The following CFAP299 variants were observed in gnomAD, a reference collection of about 807,000 sequenced individuals.
The protein encoded by CFAP299 is cilia and flagella associated protein 299, also known as cilia- and flagella-associated protein 299.
Under a neutral mutation model 27.0 loss-of-function variants are expected in CFAP299, and 21 were observed. The ratio of observed to expected loss-of-function variants is 0.78; its 90% CI spans 0.55 to 1.12. The LOEUF (loss-of-function observed/expected upper bound fraction) is 1.12. Among genes scored for constraint, CFAP299 ranks in the 50% most tolerant of loss-of-function variants. CFAP299 has a pLI of 0.00. For synonymous variants in CFAP299, 104 were observed against 98.1 expected (o/e 1.06, Z -0.36); for missense variants, 310 against 276.6 (o/e 1.12, Z -0.86).
chr4:80,391,926 C>T (rs1168423246), intron 2 of CFAP299, among the ~76,000 whole-genome samples: 1 of 152,206 alleles, frequency 6.6e-6, no homozygotes, highest in Non-Finnish European at 1.5e-5. Flanking sequence ...TGCCCAAGTC[C>T]ATGGGAGCCC....
At chr4:80,796,500 T>A (rs1174333093) in intron 3 of CFAP299, among the ~76,000 whole-genome samples, 1 of 152,044 alleles carries the variant, frequency 6.6e-6, no homozygotes, top group Non-Finnish European at 1.5e-5. Context: ...ACCACTGAGG[T>A]AGGATGGTAA....
At chr4:80,855,183 C>T (rs538924864) in intron 3 of CFAP299, among the ~76,000 whole-genome samples, 29 of 151,898 alleles carry the variant, frequency 1.9e-4, no homozygotes, top group Non-Finnish European at 3.8e-4. Flanking sequence ...AAAATATAAA[C>T]AAAATCAACT....
intron 4 of CFAP299, among the ~76,000 whole-genome samples, chr4:80,913,001 T>C (rs1005435677): frequency 6.6e-6 from 1 of 152,084 alleles, no homozygotes; most frequent in Non-Finnish European, 1.5e-5. Flanking sequence ...CAAAAAGCAC[T>C]GCCTACCCTA....
intron 5 of CFAP299, among the ~76,000 whole-genome samples, chr4:80,949,772 G>A (rs1213516353): frequency 2.6e-5 from 4 of 152,044 alleles, no homozygotes; most frequent in African/African-American, 9.7e-5. Context: ...AGCCTGGAGA[G>A]GTCATCAGAA....
intron 3 of CFAP299, among the ~76,000 whole-genome samples, chr4:80,664,725 C>CA (rs947281387): frequency 6.6e-6 from 1 of 152,010 alleles, no homozygotes; most frequent in Admixed American, 6.6e-5. Flanking sequence ...GCCCCCTTTC[C>CA]AGGGGAGTGA....
rs1728181183 is a variant in CFAP299, at chr4:80,799,629, TATA to T, written c.334-70360_334-70358del. Among the ~76,000 whole-genome samples, 2 of 44,454 alleles carry T rather than the reference TATA, an allele frequency of 4.5e-5. 1 individual carries two copies. 29.2% of individuals were successfully genotyped at this position (44,454 alleles called of 152,430 possible). On this transcript the variant is annotated intron_variant, in intron 3 of 5. Transcript: ENST00000358105. ...TTTATATATTATATATTTATAAATA[TATA>T]ATATATAAAATATATATTTTATATA...
At chr4:80,835,723 A>G (rs902634656) in intron 3 of CFAP299, among the ~76,000 whole-genome samples, 10 of 152,192 alleles carry the variant, frequency 6.6e-5, no homozygotes, top group African/African-American at 2.4e-4. Flanking sequence ...AATTAAACAC[A>G]TGTGTGGACC....
At chr4:80,389,952 T>C (rs1725235220) in intron 2 of CFAP299, among the ~76,000 whole-genome samples, 1 of 152,172 alleles carries the variant, frequency 6.6e-6, no homozygotes, top group Admixed American at 6.5e-5. Flanking sequence ...AGTTTAATAA[T>C]TGACAACCAG....
intron 3 of CFAP299, among the ~76,000 whole-genome samples, chr4:80,762,233 A>T (rs1725578637): frequency 6.6e-6 from 1 of 152,066 alleles, no homozygotes; most frequent in Non-Finnish European, 1.5e-5. Context: ...ACGTTGATGG[A>T]CTAAAATAAC....
chr4:80,629,866 A>G (rs1488602913), intron 3 of CFAP299, among the ~76,000 whole-genome samples: 2 of 128,992 alleles, frequency 1.6e-5, no homozygotes, highest in African/African-American at 5.1e-5. Context: ...GAGACTCTGT[A>G]TCTGGAAAAA....
At chr4:80,387,184 G>T in intron 2 of CFAP299, 1 of 1,347,984 alleles carries the variant, frequency 7.4e-7, no homozygotes, top group South Asian at 1.2e-5. Context: ...GTGGAAGGAG[G>T]CTGTGGGAGT....
intron 3 of CFAP299, among the ~76,000 whole-genome samples, chr4:80,753,281 A>T (rs575636242): frequency 1.3e-5 from 2 of 151,318 alleles, no homozygotes; most frequent in African/African-American, 4.8e-5. Flanking sequence ...GATTGACATA[A>T]TTTTTTTTCT....
chr4:80,565,515 C>T (rs1239313444), intron 2 of CFAP299, among the ~76,000 whole-genome samples: 1 of 151,918 alleles, frequency 6.6e-6, no homozygotes, highest in Non-Finnish European at 1.5e-5. Context: ...GAGATGCAAG[C>T]TAAACTTCTG....
chr4:80,333,808 T>C (rs1412110706), upstream of CFAP299, among the ~76,000 whole-genome samples: 3 of 152,224 alleles, frequency 2.0e-5, no homozygotes, highest in Admixed American at 1.3e-4. Flanking sequence ...GAAGTAGGAA[T>C]GCATGTTATC....
intron 3 of CFAP299, among the ~76,000 whole-genome samples, chr4:80,593,383 T>G (rs1055137746): frequency 3.9e-5 from 6 of 152,240 alleles, no homozygotes; most frequent in African/African-American, 1.4e-4. Context: ...TAGGGATTGC[T>G]ACTCCTCTTC....
At chr4:80,914,102 G>A (rs1735626359) in intron 4 of CFAP299, among the ~76,000 whole-genome samples, 1 of 152,084 alleles carries the variant, frequency 6.6e-6, no homozygotes, top group African/African-American at 2.4e-5. Flanking sequence ...ACCAGTCTAT[G>A]GACATTTGAA....
the CFAP299 span, among the ~76,000 whole-genome samples, chr4:80,330,217 C>T: frequency 0.12 from 18,030 of 152,094 alleles, 2,545 homozygotes; most frequent in African/African-American, 0.34. Flanking sequence ...TAATTTCAAC[C>T]TCCCCTTTTC....
intron 3 of CFAP299, among the ~76,000 whole-genome samples, chr4:80,740,828 C>T (rs1560727906): frequency 1.3e-5 from 2 of 152,134 alleles, no homozygotes; most frequent in Admixed American, 1.3e-4. Flanking sequence ...ATTACCACCA[C>T]CAGTCCATGG....
At chr4:80,423,130 C>A (rs1048874112) in intron 2 of CFAP299, among the ~76,000 whole-genome samples, 17 of 152,062 alleles carry the variant, frequency 1.1e-4, no homozygotes, top group South Asian at 2.1e-4. Context: ...TATGGGACTA[C>A]CCTTGTATAT....
Sources: allele counts gnomAD v4.1 joint callset (sites outside exome capture counted in the v4.1 genomes callset), GRCh38; gene constraint gnomAD v4.1.1; transcripts MANE v1.5; gene names NCBI Gene and HGNC (gene_info 2026-07-23, HGNC 2026-07-21).